The following ZFHX4 variants were observed in gnomAD, a reference collection of about 807,000 sequenced individuals.
ZFHX4 encodes the protein zinc finger homeobox protein 4.
Under a neutral mutation model 267.6 loss-of-function variants are expected in ZFHX4, and 56 were observed. The observed-to-expected ratio is 0.21, with a 90% CI of 0.17 to 0.26. The LOEUF (loss-of-function observed/expected upper bound fraction) is 0.26. Among genes scored for constraint, ZFHX4 ranks in the 10% least tolerant of loss-of-function variants. ZFHX4 has a pLI of 1.00. For missense variants in ZFHX4, 4,332 were observed against 4,420.0 expected, an observed-to-expected ratio of 0.98 and a Z score of 0.56; for synonymous variants, 1,778 against 1,665.6, an observed-to-expected ratio of 1.07 and a Z score of -1.64.
rs1388385255 is a variant in ZFHX4, at chr8:76,851,272, C to T, written c.4351C>T (p.Leu1451=). The change falls in exon 10 of 11, where the codon CTG becomes TTG. Residue 1451 remains leucine, a synonymous_variant. Coordinates refer to ENST00000651372, the MANE Select transcript of ZFHX4 (RefSeq NM_024721.5). The part of the protein sequence containing the change: ...KKHLEAGHPE[L]SEAELQQLYA... ...ACACTTGGAAGCAGGCCACCCTGAA[C>T]TGAGTGAAGCTGAACTTCAACAGCT... is the stretch of plus-strand genomic sequence containing the variant. The T allele has an allele frequency of 1.2e-6, 2 of 1,613,824 alleles. No homozygotes were observed. The highest frequency in any genetic ancestry group is 3.3e-5 in the Admixed American group (2 of 60,012).
chr8:76,782,782 A>C (rs920945040), intron 4 of ZFHX4, among the ~76,000 whole-genome samples: 8 of 151,978 alleles, frequency 5.3e-5, no homozygotes, highest in African/African-American at 1.9e-4. Context: ...GAGCGTAAAA[A>C]CAACCCCCGG....
In ZFHX4 at chr8:76,853,641, TCTG is replaced by T; in HGVS notation, c.6722_6724del (p.Leu2241del). On this transcript the variant is annotated inframe_deletion, in exon 10 of 11. Transcript: ENST00000651372. ...GATTTACTGACTACCAGCTTAGGGT[TCTG>T]CAAGACTTTTTTGACACAAACGCTT... 1 of 1,613,790 alleles carries T rather than the reference TCTG, an allele frequency of 6.2e-7. No individual in the cohort carries two copies. Among genetic ancestry groups the T allele is most frequent in the African/African-American group, 1.3e-5 (1 of 74,996 alleles).
intron 4 of ZFHX4, among the ~76,000 whole-genome samples, chr8:76,805,211 T>C (rs1811215024): frequency 6.6e-6 from 1 of 152,244 alleles, no homozygotes; most frequent in South Asian, 2.1e-4. Flanking sequence ...CTTACTGTTA[T>C]TCCATTTTGT....
At chr8:76,777,710 C>G (rs1013294330) in intron 3 of ZFHX4, among the ~76,000 whole-genome samples, 1 of 152,084 alleles carries the variant, frequency 6.6e-6, no homozygotes, top group Non-Finnish European at 1.5e-5. Flanking sequence ...CCATTCTCAT[C>G]TAGAAAATAC....
chr8:76,800,687 AATTTAGGGATC>A (rs2131825797), intron 4 of ZFHX4, among the ~76,000 whole-genome samples: 1 of 152,330 alleles, frequency 6.6e-6, no homozygotes, highest in South Asian at 2.1e-4. Context: ...CGTTATGAAT[AATTTAGGGATC>A]AGCAGACTTC....
chr8:76,801,188 G>A (rs559647107), intron 4 of ZFHX4, among the ~76,000 whole-genome samples: 1 of 151,912 alleles, frequency 6.6e-6, no homozygotes, highest in South Asian at 2.1e-4. Flanking sequence ...ATTGAAAGAT[G>A]TCTCCTTTCT....
chr8:76,764,900 C>T (rs927050522), intron 3 of ZFHX4, among the ~76,000 whole-genome samples: 1 of 152,134 alleles, frequency 6.6e-6, no homozygotes, highest in African/African-American at 2.4e-5. Flanking sequence ...GGTTCCAGAC[C>T]TAGGTTAATT....
chr8:76,774,133 T>A (rs1010815431), intron 3 of ZFHX4, among the ~76,000 whole-genome samples: 1 of 152,126 alleles, frequency 6.6e-6, no homozygotes, highest in African/African-American at 2.4e-5. Flanking sequence ...CATCAGATAA[T>A]GATGAGGCAT....
At chr8:76,714,588 A>G (rs1430480786) in intron 3 of ZFHX4, among the ~76,000 whole-genome samples, 1 of 152,204 alleles carries the variant, frequency 6.6e-6, no homozygotes, top group African/African-American at 2.4e-5. Context: ...ATAACTCAAG[A>G]GGATGGCGAT....
chr8:76,825,912 A>C (rs139466951), intron 4 of ZFHX4, among the ~76,000 whole-genome samples: 5 of 152,358 alleles, frequency 3.3e-5, no homozygotes, highest in South Asian at 2.1e-4. Context: ...TCCAAGAACC[A>C]AATAATATCA....
intron 4 of ZFHX4, among the ~76,000 whole-genome samples, chr8:76,816,807 G>C (rs1811518985): frequency 6.6e-6 from 1 of 152,020 alleles, no homozygotes; most frequent in South Asian, 2.1e-4. Context: ...TGTTGGTCAG[G>C]CTAGTCTGGA....
At chr8:76,772,610 C>T (rs1585928875) in intron 3 of ZFHX4, among the ~76,000 whole-genome samples, 1 of 152,152 alleles carries the variant, frequency 6.6e-6, no homozygotes, top group Non-Finnish European at 1.5e-5. Context: ...CCAGACTACT[C>T]TTCAATCTAG....
At chr8:76,709,170 G>A (rs185936651) in intron 3 of ZFHX4, among the ~76,000 whole-genome samples, 4 of 152,204 alleles carry the variant, frequency 2.6e-5, no homozygotes, top group African/African-American at 9.6e-5. Flanking sequence ...TTATTTATTT[G>A]GATTTGTCTA....
chr8:76,848,224 G>T lies in ZFHX4; in HGVS notation c.3512-771G>T, dbSNP rs188472971. Among the ~76,000 whole-genome samples the T allele has an allele frequency of 2.0e-5, 3 of 152,052 alleles. No individual in the cohort carries two copies. In the East Asian group the frequency reaches 5.8e-4, roughly 29 times the overall value. The stretch of plus-strand genomic sequence containing the variant: ...ATCTAGCCTTGCAGAGGAGATTATC[G>T]GGCAAATTGATGCTGGAAAGAATTT... On this transcript the variant is annotated intron_variant, in intron 6 of 10. Transcript: ENST00000651372.
chr8:76,835,951 C>T (rs1812081738), intron 5 of ZFHX4, among the ~76,000 whole-genome samples: 1 of 152,080 alleles, frequency 6.6e-6, no homozygotes, highest in Admixed American at 6.6e-5. Flanking sequence ...CAACAAATTC[C>T]AAATTGAACT....
intron 4 of ZFHX4, among the ~76,000 whole-genome samples, chr8:76,813,789 A>G (rs1811435650): frequency 6.6e-6 from 1 of 152,136 alleles, no homozygotes; most frequent in Non-Finnish European, 1.5e-5. Flanking sequence ...GTAAGAGTTA[A>G]GTGTTTGGAG....
rs1161312940 is a variant in ZFHX4 at position 76,707,667 on chromosome 8, C to G, written c.2712C>G (p.Phe904Leu). ...PYISDPALKL[F>L]QCAVCNKFTS... ...TCAGTGACCCAGCGCTGAAGCTATT[C>G]CAGTGTGCTGTTTGCAACAAATTCA... Residue 904 changes from phenylalanine to leucine, a missense_variant, in exon 3 of 11, where the codon TTC (phenylalanine) becomes TTG (leucine). By Grantham distance (22) the Phe-to-Leu change is conservative. Transcript: ENST00000651372. 1.2e-6 allele frequency: 2 copies of G among 1,613,868 alleles called. No individual in the cohort carries two copies. Among genetic ancestry groups the G allele is most frequent in the Non-Finnish European group, 1.7e-6 (2 of 1,179,894 alleles).
Position 76,778,313 on chromosome 8 carries a change from C to A in ZFHX4, c.3199C>A (p.Arg1067Ser). ...KVKLNLVQHV[R>S]SVKHQQTEGL... ...CAAGTTGAATCTGGTACAACATGTCCGTTCGGTGAAGCATCAGCAGACTGA... is the reference window on the plus strand; with the variant it reads ...CAAGTTGAATCTGGTACAACATGTCAGTTCGGTGAAGCATCAGCAGACTGA... Residue 1067 changes from arginine (R) to serine (S), a missense_variant, in exon 4 of 11, where the codon CGT becomes AGT. Physicochemically the swap from Arg to Ser is moderately radical, Grantham distance 110. Around this residue, in one of 7 missense-constraint regions of ZFHX4, gnomAD observed 1,371 missense variants for 1,423.1 expected, o/e 0.96. Transcript: ENST00000651372. 1 of 1,613,826 alleles carries A rather than the reference C, an allele frequency of 6.2e-7. No homozygotes were observed. Among genetic ancestry groups the A allele is most frequent in the African/African-American group, 1.3e-5 (1 of 75,028 alleles).
chr8:76,815,106 T>A (rs1245670163), intron 4 of ZFHX4, among the ~76,000 whole-genome samples: 1 of 151,330 alleles, frequency 6.6e-6, no homozygotes, highest in Non-Finnish European at 1.5e-5. Context: ...AGCAAGAGAG[T>A]GAGGGAAATT....
Sources: gnomAD v4.1 joint callset for allele counts (sites outside exome capture counted in the v4.1 genomes callset) on GRCh38, gnomAD v4.1.1 for gene constraint, gnomAD v4.1.1 regional missense constraint, MANE v1.5 for transcripts, NCBI Gene and HGNC (gene_info 2026-07-23, HGNC 2026-07-21) for gene names.